The following PGCKA1 variants were observed in gnomAD, a reference collection of about 807,000 sequenced individuals.
The protein encoded by PGCKA1 is PDCD10 and GCKIII kinases-associated protein 1.
At chr4:37,525,391 C>T in the PGCKA1 span, among the ~76,000 whole-genome samples, 1,005 of 152,092 alleles carry the variant, frequency 6.6e-3, 69 homozygotes, top group East Asian at 0.16. Flanking sequence ...ATAACAGTAG[C>T]TACAGGGAAG....
At chr4:37,464,528 A>G in the PGCKA1 span, among the ~76,000 whole-genome samples, 4 of 152,086 alleles carry the variant, frequency 2.6e-5, no homozygotes, top group Non-Finnish European at 5.9e-5. Context: ...ATGGCCTCCC[A>G]TTTTCTCAAA....
chr4:37,589,537 T>C, the PGCKA1 span, among the ~76,000 whole-genome samples: 4 of 152,222 alleles, frequency 2.6e-5, no homozygotes, highest in Non-Finnish European at 5.9e-5. Context: ...TTTATTTGTT[T>C]TTTATTTTAA....
the PGCKA1 span, among the ~76,000 whole-genome samples, chr4:37,487,414 C>T: frequency 6.6e-6 from 1 of 152,292 alleles, no homozygotes; most frequent in African/African-American, 2.4e-5. Flanking sequence ...AAGTTGCAAA[C>T]ATCAGTTCAT....
At chr4:37,469,006 A>G in the PGCKA1 span, among the ~76,000 whole-genome samples, 1 of 152,150 alleles carries the variant, frequency 6.6e-6, no homozygotes, top group Admixed American at 6.5e-5. Context: ...CTCTTATACA[A>G]TGTTGGTGCC....
chr4:37,492,455 A>G, the PGCKA1 span, among the ~76,000 whole-genome samples: 1 of 152,116 alleles, frequency 6.6e-6, no homozygotes, highest in African/African-American at 2.4e-5. The surrounding 1 kb of genome is among the most constrained non-coding windows in gnomAD (Gnocchi z 4.7). Flanking sequence ...GGAGCTTCCA[A>G]TGTCAGTGTC....
At chr4:37,497,177 T>C in the PGCKA1 span, among the ~76,000 whole-genome samples, 1 of 152,186 alleles carries the variant, frequency 6.6e-6, no homozygotes, top group Non-Finnish European at 1.5e-5. Flanking sequence ...ACTGAGAACA[T>C]ATGATGTTTG....
At chr4:37,590,034 A>T in the PGCKA1 span, 3 of 1,302,494 alleles carry the variant, frequency 2.3e-6, no homozygotes, top group East Asian at 7.0e-5. Flanking sequence ...GGCCTGTGGT[A>T]AAAAGCATTA....
At chr4:37,473,196 A>T in the PGCKA1 span, among the ~76,000 whole-genome samples, 2 of 152,202 alleles carry the variant, frequency 1.3e-5, no homozygotes, top group African/African-American at 4.8e-5. Context: ...TTTCCTTATA[A>T]TATAGTGTTC....
At chr4:37,566,277 A>G in the PGCKA1 span, among the ~76,000 whole-genome samples, 1 of 147,474 alleles carries the variant, frequency 6.8e-6, no homozygotes, top group Non-Finnish European at 1.5e-5. Flanking sequence ...TTTTTTTTTT[A>G]TTTTATTTTT....
chr4:37,454,005 C>CCCG, the PGCKA1 span: 628 of 159,530 alleles, frequency 3.9e-3, 5 homozygotes, highest in African/African-American at 0.013. Flanking sequence ...GCGCCGGGAC[C>CCCG]CCGCCGCCGC....
the PGCKA1 span, among the ~76,000 whole-genome samples, chr4:37,571,355 C>CTTTTTTTTTT: frequency 1.3e-5 from 1 of 78,036 alleles, no homozygotes. Context: ...GACTATTATC[C>CTTTTTTTTTT]TTTTTTTTTT....
At chr4:37,582,731 T>C in the PGCKA1 span, among the ~76,000 whole-genome samples, 1 of 152,210 alleles carries the variant, frequency 6.6e-6, no homozygotes, top group Admixed American at 6.5e-5. Flanking sequence ...ATTAGTCTCA[T>C]TATGGCACTA....
At chr4:37,504,589 G>A in the PGCKA1 span, among the ~76,000 whole-genome samples, 4 of 152,038 alleles carry the variant, frequency 2.6e-5, no homozygotes, top group East Asian at 3.9e-4. Context: ...TGTGTGTGTC[G>A]TTTTCCATTT....
At chr4:37,582,199 A>G in the PGCKA1 span, among the ~76,000 whole-genome samples, 1 of 152,186 alleles carries the variant, frequency 6.6e-6, no homozygotes, top group South Asian at 2.1e-4. Context: ...TCTTTCAGCA[A>G]TATGAAGTTA....
chr4:37,525,130 C>T, the PGCKA1 span, among the ~76,000 whole-genome samples: 2 of 152,156 alleles, frequency 1.3e-5, no homozygotes, highest in African/African-American at 2.4e-5. Context: ...AAAGGGACAT[C>T]AATGGGTCAG....
chr4:37,466,028 T>C, the PGCKA1 span, among the ~76,000 whole-genome samples: 7 of 39,380 alleles, frequency 1.8e-4, no homozygotes, highest in Admixed American at 8.6e-4. Context: ...AGATACTGGA[T>C]TGCTGTAATC....
the PGCKA1 span, chr4:37,584,498 T>A: frequency 1.3e-5 from 2 of 152,310 alleles, no homozygotes; most frequent in African/African-American, 2.4e-5. Flanking sequence ...CACCACAACA[T>A]CCTTTGTAAT....
the PGCKA1 span, among the ~76,000 whole-genome samples, chr4:37,487,752 T>C: frequency 6.6e-6 from 1 of 152,220 alleles, no homozygotes; most frequent in Non-Finnish European, 1.5e-5. Context: ...TACATTTATA[T>C]CACACATTTG....
At chr4:37,512,041 A>G in the PGCKA1 span, among the ~76,000 whole-genome samples, 5 of 152,138 alleles carry the variant, frequency 3.3e-5, no homozygotes, top group African/African-American at 4.8e-5. Context: ...AAGCCCCACA[A>G]TCACTGTGCT....
Sources: gnomAD v4.1 joint callset for allele counts (sites outside exome capture counted in the v4.1 genomes callset) on GRCh38, gnomAD v4.1.1 for gene constraint, Gnocchi (gnomAD v3.1) non-coding constraint, MANE v1.5 for transcripts, NCBI Gene and HGNC (gene_info 2026-07-23, HGNC 2026-07-21) for gene names.